CASK: variants seen among roughly 807,000 people sequenced by gnomAD.
The protein encoded by CASK is peripheral plasma membrane protein CASK.
CASK carries 4 observed loss-of-function variants against 82.9 expected under a neutral mutation model. That is an observed-to-expected ratio of 0.05 (90% CI 0.02 to 0.11). The LOEUF is 0.11. Among genes scored for constraint, CASK ranks in the 10% least tolerant of loss-of-function variants. The pLI is 1.00. For synonymous variants in CASK, 259 were observed against 253.5 expected (o/e 1.02, Z -0.20); for missense variants, 358 against 720.9 (o/e 0.50, Z 5.76).
intron 2 of CASK, among the ~76,000 whole-genome samples, chrX:41,833,804 A>T (rs2070875139): frequency 8.9e-6 from 1 of 111,826 alleles, no homozygotes; most frequent in Admixed American, 9.5e-5. Context: ...GCTGGAGTGC[A>T]GTGGCACAAT....
chrX:41,819,515 A>G (rs1188239844), intron 2 of CASK, among the ~76,000 whole-genome samples: 5 of 111,481 alleles, frequency 4.5e-5, no homozygotes, highest in Non-Finnish European at 9.4e-5. Flanking sequence ...ACACTGGTGA[A>G]TTCCACAATA....
chrX:41,613,441 G>C (rs1479588778), intron 11 of CASK, among the ~76,000 whole-genome samples: 6 of 91,452 alleles, frequency 6.6e-5, no homozygotes, highest in Non-Finnish European at 8.7e-5. Flanking sequence ...CAGCATGCTC[G>C]TTAAGAGTCA....
At chrX:41,892,479 C>T (rs758284474) in intron 1 of CASK, among the ~76,000 whole-genome samples, 1 of 109,629 alleles carries the variant, frequency 9.1e-6, no homozygotes, top group African/African-American at 3.3e-5. Context: ...ACTACAGGCA[C>T]GCGTCACCAC....
intron 2 of CASK, among the ~76,000 whole-genome samples, chrX:41,822,742 G>A (rs2070577030): frequency 1.8e-5 from 2 of 108,919 alleles, no homozygotes; most frequent in Non-Finnish European, 3.8e-5. Flanking sequence ...CGGTGATGTC[G>A]TGAAAACTAT....
At chrX:41,830,481 G>A (rs763347747) in intron 2 of CASK, among the ~76,000 whole-genome samples, 14 of 111,253 alleles carry the variant, frequency 1.3e-4, no homozygotes, top group African/African-American at 3.6e-4. Context: ...TACAACAAGC[G>A]TGTACAATAA....
chrX:41,781,090 G>A (rs2069465936), intron 3 of CASK, among the ~76,000 whole-genome samples: 1 of 111,468 alleles, frequency 9.0e-6, no homozygotes, highest in Non-Finnish European at 1.9e-5. Flanking sequence ...ACAGGTGTGT[G>A]CCACCATGCT....
At chrX:41,533,566 G>A (rs1488931072) in intron 24 of CASK, among the ~76,000 whole-genome samples, 1 of 112,556 alleles carries the variant, frequency 8.9e-6, no homozygotes, top group Non-Finnish European at 1.9e-5. Flanking sequence ...ATAGAATGGA[G>A]CCAATCTTCA....
intron 2 of CASK, among the ~76,000 whole-genome samples, chrX:41,795,628 T>G (rs952169930): frequency 9.0e-6 from 1 of 111,004 alleles, no homozygotes; most frequent in African/African-American, 3.3e-5. Context: ...ATCATGCCAC[T>G]GCACTCCAGC....
At chrX:41,818,145 C>CTG (rs59931187) in intron 2 of CASK, among the ~76,000 whole-genome samples, 19,857 of 85,185 alleles carry the variant, frequency 0.23, 2,028 homozygotes, top group Non-Finnish European at 0.25. Context: ...AGGAGGCCTT[C>CTG]TGTGTGTGTG....
At chrX:41,792,467 G>A (rs2147844664) in intron 2 of CASK, among the ~76,000 whole-genome samples, 1 of 109,252 alleles carries the variant, frequency 9.2e-6, no homozygotes, top group East Asian at 2.9e-4. Context: ...TTTTTAAATA[G>A]TTTATAGAGA....
intron 1 of CASK, among the ~76,000 whole-genome samples, chrX:41,861,412 A>C: frequency 9.0e-6 from 1 of 110,987 alleles, no homozygotes; most frequent in Non-Finnish European, 1.9e-5. Context: ...AAATGTGAAG[A>C]AGGAGATTAG....
chrX:41,709,125 T>C (rs2067931386), intron 5 of CASK, among the ~76,000 whole-genome samples: 1 of 111,749 alleles, frequency 8.9e-6, no homozygotes, highest in South Asian at 3.7e-4. Flanking sequence ...AAAAGATGTC[T>C]TAAAAGGACT....
intron 2 of CASK, among the ~76,000 whole-genome samples, chrX:41,814,928 A>G (rs950676159): frequency 1.8e-5 from 2 of 111,403 alleles, no homozygotes; most frequent in African/African-American, 6.5e-5. Flanking sequence ...GGAAAGGGAA[A>G]TGAATGGAAT....
intron 1 of CASK, among the ~76,000 whole-genome samples, chrX:41,887,573 A>C (rs1355896071): frequency 9.0e-6 from 1 of 111,503 alleles, no homozygotes; most frequent in Non-Finnish European, 1.9e-5. Context: ...CATGAGTAGA[A>C]GGGAGTAACT....
chrX:41,836,412 C>G (rs1361053869), intron 2 of CASK, among the ~76,000 whole-genome samples: 3 of 111,253 alleles, frequency 2.7e-5, no homozygotes, highest in Non-Finnish European at 3.8e-5. Flanking sequence ...CATAGAACCA[C>G]AATTAACAAA....
intron 2 of CASK, among the ~76,000 whole-genome samples, chrX:41,852,808 C>T (rs2071290754): frequency 9.1e-6 from 1 of 110,225 alleles, no homozygotes; most frequent in East Asian, 2.8e-4. Flanking sequence ...CATCCCATGA[C>T]CCACACAATA....
At chrX:41,580,459 G>A (rs1260018427) in intron 14 of CASK, among the ~76,000 whole-genome samples, 1 of 111,378 alleles carries the variant, frequency 9.0e-6, no homozygotes, top group African/African-American at 3.3e-5. Context: ...GGGATTACAG[G>A]CCTCTACTCA....
chrX:41,699,217 G>A (rs1446197705), intron 5 of CASK, among the ~76,000 whole-genome samples: 3 of 111,501 alleles, frequency 2.7e-5, no homozygotes, highest in East Asian at 2.8e-4. Flanking sequence ...GAGCCACCGC[G>A]CCCGGCCAGT....
At chrX:41,854,093 G>C (rs753931816) in intron 1 of CASK, among the ~76,000 whole-genome samples, 1 of 111,658 alleles carries the variant, frequency 9.0e-6, no homozygotes, top group Non-Finnish European at 1.9e-5. Context: ...TAGAGGAAAG[G>C]AAGTAATTTC....
Sources: gnomAD v4.1 joint callset for allele counts (sites outside exome capture counted in the v4.1 genomes callset) on GRCh38, gnomAD v4.1.1 for gene constraint, MANE v1.5 for transcripts, NCBI Gene and HGNC (gene_info 2026-07-23, HGNC 2026-07-21) for gene names.